Variants in TBC1D19 observed in about 807,000 individuals in gnomAD.
TBC1D19 encodes TBC1 domain family member 19, also known as TBC1 domain family, member 19.
In TBC1D19, 60 loss-of-function variants were observed where a neutral mutation model predicts 89.0. The observed-to-expected ratio is 0.67, with a 90% CI of 0.55 to 0.84. TBC1D19 has a LOEUF of 0.84. Ranked by LOEUF, TBC1D19 falls within the 40% of genes least tolerant of loss-of-function variation. The probability of loss-of-function intolerance (pLI) is 0.00; values close to 1 mark genes in which losing one functional copy is unlikely to be tolerated. For synonymous variants in TBC1D19, 189 were observed against 199.7 expected, an observed-to-expected ratio of 0.95 and a Z score of 0.45; for missense variants, 500 against 610.8, an observed-to-expected ratio of 0.82 and a Z score of 1.91.
intron 1 of TBC1D19, among the ~76,000 whole-genome samples, chr4:26,612,318 G>A (rs1741431387): frequency 6.6e-6 from 1 of 151,786 alleles, no homozygotes; most frequent in South Asian, 2.1e-4. Flanking sequence ...AATCACGGAA[G>A]AGTTAGTGTG....
At chr4:26,854,405 T>A in the TBC1D19 span, among the ~76,000 whole-genome samples, 1 of 152,208 alleles carries the variant, frequency 6.6e-6, no homozygotes, top group Non-Finnish European at 1.5e-5. Flanking sequence ...ACAAACGGCT[T>A]CTCTTAGTTC....
chr4:26,670,836 T>C (rs1712237201), intron 9 of TBC1D19, among the ~76,000 whole-genome samples: 1 of 151,644 alleles, frequency 6.6e-6, no homozygotes, highest in Non-Finnish European at 1.5e-5. Flanking sequence ...TACTCTTTTG[T>C]GTTTGGCTTC....
intron 7 of TBC1D19, among the ~76,000 whole-genome samples, chr4:26,653,630 G>A (rs1744568327): frequency 6.6e-6 from 1 of 152,066 alleles, no homozygotes; most frequent in African/African-American, 2.4e-5. Context: ...TTATGTAATG[G>A]CCTTCTTTGT....
At chr4:26,651,740 C>T (rs552436965) in intron 7 of TBC1D19, among the ~76,000 whole-genome samples, 14 of 152,246 alleles carry the variant, frequency 9.2e-5, no homozygotes, top group African/African-American at 2.6e-4. Context: ...CCAGAACTTT[C>T]AACGCTATGT....
chr4:26,781,654 C>T, the TBC1D19 span, among the ~76,000 whole-genome samples: 1 of 152,152 alleles, frequency 6.6e-6, no homozygotes, highest in African/African-American at 2.4e-5. Flanking sequence ...GTATTTTTAG[C>T]AGAAATATGT....
intron 15 of TBC1D19, among the ~76,000 whole-genome samples, chr4:26,732,622 A>G (rs563488612): frequency 1.3e-5 from 2 of 152,300 alleles, no homozygotes; most frequent in African/African-American, 4.8e-5. Context: ...CCAGATGGTA[A>G]ATATTTCACA....
chr4:26,743,123 T>C (rs1186099120), intron 18 of TBC1D19, among the ~76,000 whole-genome samples: 1 of 152,122 alleles, frequency 6.6e-6, no homozygotes, highest in African/African-American at 2.4e-5. Context: ...TAAGTGAATA[T>C]GTATAGTATC....
rs758735137 is a variant in TBC1D19 at position 26,752,243 on chromosome 4, C to CTT, written c.1436-1559_1436-1558dup. Among the ~76,000 whole-genome samples the CTT allele has an allele frequency of 3.0e-3, 386 of 128,894 alleles. 1 individual carries two copies. The highest frequency in any genetic ancestry group is 0.01 in the African/African-American group (352 of 33,962). 84.6% of individuals were successfully genotyped at this position (128,894 alleles called of 152,430 possible). A position where few individuals can be genotyped will look rare whatever the true frequency, so the allele number is the denominator to read the frequency against. Reference sequence around the variant, plus strand: ...TCCAAATAATTTGGAATATTTCTTTCTTTTTTTTTTTTTTTTTTTGAGACG... The same window carrying CTT: ...TCCAAATAATTTGGAATATTTCTTTCTTTTTTTTTTTTTTTTTTTTTGAGACG... On this transcript the variant is annotated intron_variant, in intron 19 of 20. Transcript: ENST00000264866.
the TBC1D19 span, among the ~76,000 whole-genome samples, chr4:26,814,892 C>T: frequency 0.03 from 4,549 of 152,128 alleles, 228 homozygotes; most frequent in African/African-American, 0.1. Flanking sequence ...TGTCGTGGCA[C>T]GCGCCTGTTG....
chr4:26,761,714 A>G, the TBC1D19 span, among the ~76,000 whole-genome samples: 1 of 152,180 alleles, frequency 6.6e-6, no homozygotes, highest in East Asian at 1.9e-4. Flanking sequence ...AGAACTTGCA[A>G]TTGAATACAG....
intron 3 of TBC1D19, among the ~76,000 whole-genome samples, chr4:26,615,980 G>A (rs1000952874): frequency 8.6e-5 from 13 of 151,906 alleles, no homozygotes; most frequent in African/African-American, 3.1e-4. Context: ...GAGGGACTAT[G>A]TTTTATTCAT....
At chr4:26,592,640 T>G (rs1276091753) in intron 1 of TBC1D19, among the ~76,000 whole-genome samples, 2 of 151,860 alleles carry the variant, frequency 1.3e-5, no homozygotes, top group Non-Finnish European at 2.9e-5. Flanking sequence ...TTCAGCAAAG[T>G]CTCAGGATAC....
rs778256953 is a variant in TBC1D19 at position 26,748,487 on chromosome 4, G to A, written c.1396G>A (p.Asp466Asn). The A allele has an allele frequency of 6.2e-7, 1 of 1,613,702 alleles. No individual in the cohort carries two copies. The highest frequency in any genetic ancestry group is 8.5e-7 in the Non-Finnish European group (1 of 1,179,790). ...LATDQLLLLW[D>N]RILGYNSLEI... ...TACAGATCAGCTCTTGCTTTTATGG[G>A]ATAGAATCCTAGGATACAACTCTCT... The change falls in exon 19 of 21, where the codon GAT becomes AAT. Residue 466 changes from aspartate to asparagine, a missense_variant. Coordinates refer to ENST00000264866, the MANE Select transcript of TBC1D19 (RefSeq NM_018317.4).
the TBC1D19 span, among the ~76,000 whole-genome samples, chr4:26,851,303 C>CT: frequency 2.8e-5 from 2 of 70,440 alleles, no homozygotes; most frequent in Admixed American, 3.0e-4. Context: ...CTAATAAATA[C>CT]CCTATCTATC....
intron 1 of TBC1D19, among the ~76,000 whole-genome samples, chr4:26,605,510 A>G (rs1157804125): frequency 6.6e-6 from 1 of 151,932 alleles, no homozygotes; most frequent in African/African-American, 2.4e-5. Context: ...GCCGCAGAAA[A>G]CATACGTGTG....
chr4:26,615,803 C>T lies in TBC1D19; in HGVS notation c.218+1350C>T, dbSNP rs543157445. ...ACTGTGACAGTACCTTTGGCAGTCACCAAAGGAATAGATATTTATCATGAC... is the reference window on the plus strand; with the variant it reads ...ACTGTGACAGTACCTTTGGCAGTCATCAAAGGAATAGATATTTATCATGAC... On this transcript the variant is annotated intron_variant, in intron 3 of 20. Coordinates refer to ENST00000264866, the MANE Select transcript of TBC1D19 (RefSeq NM_018317.4). Among the ~76,000 whole-genome samples, 24 of 152,132 alleles carry T rather than the reference C, an allele frequency of 1.6e-4. No individual in the cohort carries two copies. In the South Asian group the frequency reaches 4.8e-3, roughly 30 times the overall value.
At chr4:26,665,797 A>C (rs755257439) in intron 8 of TBC1D19, among the ~76,000 whole-genome samples, 4 of 151,968 alleles carry the variant, frequency 2.6e-5, no homozygotes, top group Non-Finnish European at 4.4e-5. Context: ...GTGTTTCAGG[A>C]AAGGTTTAAA....
chr4:26,752,247 T>C (rs910993402), intron 19 of TBC1D19, among the ~76,000 whole-genome samples: 17 of 148,962 alleles, frequency 1.1e-4, no homozygotes, highest in Admixed American at 2.0e-4. Flanking sequence ...TTCTTTCTTT[T>C]TTTTTTTTTT....
intron 13 of TBC1D19, among the ~76,000 whole-genome samples, chr4:26,692,240 C>T (rs1279604166): frequency 2.6e-5 from 4 of 152,116 alleles, no homozygotes; most frequent in African/African-American, 7.2e-5. Context: ...TTCTTATCTC[C>T]CTCACCTCCA....
Sources: gnomAD v4.1 joint callset for allele counts (sites outside exome capture counted in the v4.1 genomes callset) on GRCh38, gnomAD v4.1.1 for gene constraint, MANE v1.5 for transcripts, NCBI Gene and HGNC (gene_info 2026-07-23, HGNC 2026-07-21) for gene names.